Variants in ATF6 observed in about 807,000 individuals in gnomAD.
ATF6 encodes activating transcription factor 6, also known as cyclic AMP-dependent transcription factor ATF-6 alpha.
A neutral mutation model predicts 83.6 loss-of-function variants in ATF6; 53 were observed. That is an observed-to-expected ratio of 0.63 (90% CI 0.51 to 0.80). The LOEUF is 0.80. ATF6 is among the 30% of genes least tolerant of loss of function. ATF6 has a pLI of 0.00. For missense variants in ATF6, 744 were observed against 797.9 expected, an observed-to-expected ratio of 0.93 and a Z score of 0.81; for synonymous variants, 288 against 285.8, an observed-to-expected ratio of 1.01 and a Z score of -0.08.
chr1:161,950,377 T>C (rs193272268), intron 15 of ATF6, among the ~76,000 whole-genome samples: 1 of 152,288 alleles, frequency 6.6e-6, no homozygotes, highest in African/African-American at 2.4e-5. Context: ...TAAAGAGCCA[T>C]AGTTTTTCAG....
At chr1:161,803,321 T>C (rs550614754) in intron 7 of ATF6, among the ~76,000 whole-genome samples, 2 of 152,316 alleles carry the variant, frequency 1.3e-5, no homozygotes, top group South Asian at 4.1e-4. Flanking sequence ...CTGGTGAAAG[T>C]AGAACATCCA....
chr1:161,891,315 A>T (rs1308594546), intron 14 of ATF6: 1 of 152,344 alleles, frequency 6.6e-6, no homozygotes, highest in African/African-American at 2.4e-5. Context: ...AGAGAAATGC[A>T]ACACAGTGCA....
chr1:161,912,148 G>A, intron 14 of ATF6, 148 bp from the exon 15 acceptor site: 2 of 527,426 alleles, frequency 3.8e-6, no homozygotes, highest in Non-Finnish European at 6.7e-6. Flanking sequence ...TTCTAAGCTG[G>A]TTTGTAGTTA....
intron 15 of ATF6, among the ~76,000 whole-genome samples, chr1:161,956,925 A>G (rs1206070679): frequency 6.6e-6 from 1 of 152,202 alleles, no homozygotes; most frequent in African/African-American, 2.4e-5. Context: ...CCTCTCTCCA[A>G]AAACATGCAC....
chr1:161,865,476 A>T (rs1365635682), intron 14 of ATF6, among the ~76,000 whole-genome samples: 1 of 152,172 alleles, frequency 6.6e-6, no homozygotes, highest in Non-Finnish European at 1.5e-5. Context: ...CTTTAAACAG[A>T]CTGTATTTTT....
rs74960086 is a variant in ATF6 at position 161,840,496 on chromosome 1, C to G, written c.1188-5953C>G. ...AAGATGGCTTGAATTCAAAATTGACCTACTTGTACCATAAGAAAGCAGGTT... is the reference window on the plus strand; with the variant it reads ...AAGATGGCTTGAATTCAAAATTGACGTACTTGTACCATAAGAAAGCAGGTT... On this transcript the variant is annotated intron_variant, in intron 9 of 15. Coordinates refer to ENST00000367942, the MANE Select transcript of ATF6 (RefSeq NM_007348.4). The G allele has an allele frequency of 2.0e-5, 3 of 152,182 alleles. No individual in the cohort carries two copies. The East Asian group carries it at 5.8e-4, about 29-fold the overall frequency. 9.4% of individuals were successfully genotyped at this position (152,182 alleles called of 1,614,324 possible). A position where few individuals can be genotyped will look rare whatever the true frequency, so the allele number is the denominator to read the frequency against.
rs558849386 is a variant in ATF6 at position 161,827,584 on chromosome 1, T to C, written c.1187+6423T>C. Among the ~76,000 whole-genome samples the C allele has an allele frequency of 7.9e-5, 12 of 152,224 alleles. No individual in the cohort carries two copies. In the East Asian group the frequency reaches 2.1e-3, roughly 27 times the overall value. ...CAGATCACATTACCGAGTAAAGTGA[T>C]TAATGTGGTTTCAGATGTTCAGCGT... On this transcript the variant is annotated intron_variant, in intron 9 of 15. Coordinates refer to ENST00000367942, the MANE Select transcript of ATF6 (RefSeq NM_007348.4).
intron 9 of ATF6, among the ~76,000 whole-genome samples, chr1:161,826,491 C>T (rs1451256012): frequency 6.6e-6 from 1 of 151,974 alleles, no homozygotes; most frequent in Admixed American, 6.6e-5. Flanking sequence ...GATTAAAAAT[C>T]GGAGAAAGCT....
At chr1:161,905,022 G>T (rs971241630) in intron 14 of ATF6, among the ~76,000 whole-genome samples, 1 of 152,138 alleles carries the variant, frequency 6.6e-6, no homozygotes, top group Non-Finnish European at 1.5e-5. Flanking sequence ...TTTATGTGAC[G>T]CCAACATCAA....
chr1:161,769,901 G>A (rs1053900014), intron 1 of ATF6, among the ~76,000 whole-genome samples: 5 of 152,118 alleles, frequency 3.3e-5, no homozygotes, highest in South Asian at 2.1e-4. Flanking sequence ...ATGAAGCTTC[G>A]CTCACTCACC....
chr1:161,892,490 GTC>G (rs1199162905), intron 14 of ATF6, among the ~76,000 whole-genome samples: 1 of 151,998 alleles, frequency 6.6e-6, no homozygotes, highest in Non-Finnish European at 1.5e-5. Flanking sequence ...GTCTCTTTAA[GTC>G]TCTGCTAAAT....
chr1:161,913,662 C>T (rs1346721399), intron 15 of ATF6, among the ~76,000 whole-genome samples: 1 of 152,126 alleles, frequency 6.6e-6, no homozygotes, highest in Non-Finnish European at 1.5e-5. Context: ...TGAAGTTACT[C>T]ATGGAATAAT....
intron 8 of ATF6, 61 bp from the exon 9 acceptor site, chr1:161,821,009 G>A: frequency 8.5e-7 from 1 of 1,171,834 alleles, no homozygotes; most frequent in Non-Finnish European, 1.2e-6. Context: ...CTAATCTTAA[G>A]CGTTGCTTTT....
chr1:161,836,566 G>C (rs7535349), intron 9 of ATF6, among the ~76,000 whole-genome samples: 14,743 of 152,236 alleles, frequency 0.097, 1,274 homozygotes, highest in East Asian at 0.31. Flanking sequence ...ACGTATTCAT[G>C]TTTGTCAAAA....
At chr1:161,783,897 G>T in intron 3 of ATF6, 93 bp from the exon 4 acceptor site, 3 of 906,502 alleles carry the variant, frequency 3.3e-6, no homozygotes, top group South Asian at 3.1e-5. Context: ...ATATCTGATT[G>T]AATTTTAAAA....
chr1:161,895,006 A>G (rs1448895409), intron 14 of ATF6, among the ~76,000 whole-genome samples: 3 of 152,118 alleles, frequency 2.0e-5, no homozygotes. Flanking sequence ...TGGGGGGCCA[A>G]GGTGGGCAGA....
At chr1:161,932,535 C>T (rs1051416435) in intron 15 of ATF6, among the ~76,000 whole-genome samples, 5 of 152,144 alleles carry the variant, frequency 3.3e-5, no homozygotes, top group Admixed American at 6.5e-5. Flanking sequence ...ATGTAAATTG[C>T]AGACCATTTT....
At chr1:161,791,191 ATAGACTTAC>A (rs1487279929) in intron 4 of ATF6, among the ~76,000 whole-genome samples, 2 of 152,048 alleles carry the variant, frequency 1.3e-5, no homozygotes, top group East Asian at 3.9e-4. Flanking sequence ...ACAGGATGGC[ATAGACTTAC>A]TCTGCATTTT....
chr1:161,822,343 C>T (rs551007861), intron 9 of ATF6, among the ~76,000 whole-genome samples: 2 of 151,996 alleles, frequency 1.3e-5, no homozygotes, highest in African/African-American at 4.8e-5. Context: ...TTTTTGAAGC[C>T]AAAGTAAAAA....
Sources: allele counts gnomAD v4.1 joint callset (sites outside exome capture counted in the v4.1 genomes callset), GRCh38; gene constraint gnomAD v4.1.1; transcripts MANE v1.5; gene names NCBI Gene and HGNC (gene_info 2026-07-23, HGNC 2026-07-21).